The following FHOD3 variants were observed in gnomAD, a reference collection of about 807,000 sequenced individuals.
FHOD3 encodes the protein FH1/FH2 domain-containing protein 3.
FHOD3 carries 90 observed loss-of-function variants against 173.0 expected under a neutral mutation model. That is an observed-to-expected ratio of 0.52 (90% CI 0.44 to 0.62). The LOEUF is 0.62. Ranked by LOEUF, FHOD3 falls within the 20% of genes least tolerant of loss-of-function variation. The pLI is 0.00. For synonymous variants in FHOD3, 828 were observed against 823.0 expected, an observed-to-expected ratio of 1.01 and a Z score of -0.10; for missense variants, 1,945 against 2,034.7, an observed-to-expected ratio of 0.96 and a Z score of 0.85.
chr18:36,732,253 C>T (rs2041402172), intron 20 of FHOD3, among the ~76,000 whole-genome samples: 1 of 152,168 alleles, frequency 6.6e-6, no homozygotes, highest in Non-Finnish European at 1.5e-5. Flanking sequence ...CCTGCTGACA[C>T]CTTGATTTTG....
At chr18:36,651,180 G>GTCCATCT (rs1248017173) in intron 11 of FHOD3, among the ~76,000 whole-genome samples, 2 of 152,112 alleles carry the variant, frequency 1.3e-5, no homozygotes, top group Non-Finnish European at 2.9e-5. Flanking sequence ...GCTACAGCAT[G>GTCCATCT]TCCATCTTCC....
At chr18:36,536,800 AC>A (rs2057013546) in intron 5 of FHOD3, among the ~76,000 whole-genome samples, 1 of 152,234 alleles carries the variant, frequency 6.6e-6, no homozygotes, top group South Asian at 2.1e-4. Context: ...GTCGGGACAC[AC>A]TAATTCTGCT....
chr18:36,321,435 C>G (rs2044388044), intron 1 of FHOD3, among the ~76,000 whole-genome samples: 1 of 152,190 alleles, frequency 6.6e-6, no homozygotes, highest in Non-Finnish European at 1.5e-5. Flanking sequence ...CACAGCTCAG[C>G]TTGCATGACT....
At chr18:36,741,765 C>G (rs556864513) in intron 21 of FHOD3, among the ~76,000 whole-genome samples, 39 of 130,766 alleles carry the variant, frequency 3.0e-4, no homozygotes, top group African/African-American at 1.3e-3. Context: ...AGTGAGACCT[C>G]CATCTCTAAA....
chr18:36,699,269 A>G (rs1202388881), intron 17 of FHOD3, among the ~76,000 whole-genome samples: 1 of 152,226 alleles, frequency 6.6e-6, no homozygotes, highest in Admixed American at 6.5e-5. Flanking sequence ...CAAGTTTTGA[A>G]CAGCAATTAG....
intron 4 of FHOD3, among the ~76,000 whole-genome samples, chr18:36,502,927 G>A (rs2055115413): frequency 6.6e-6 from 1 of 152,178 alleles, no homozygotes; most frequent in South Asian, 2.1e-4. Flanking sequence ...GGCATAGCTG[G>A]TGTAGCTCTG....
At chr18:36,537,544 G>C (rs1317611511) in intron 5 of FHOD3, among the ~76,000 whole-genome samples, 1 of 152,092 alleles carries the variant, frequency 6.6e-6, no homozygotes, top group African/African-American at 2.4e-5. Flanking sequence ...AGAAAGCCAA[G>C]TAGGCACTGA....
intron 19 of FHOD3, among the ~76,000 whole-genome samples, chr18:36,719,644 A>G (rs2040649886): frequency 6.6e-6 from 1 of 152,272 alleles, no homozygotes; most frequent in Non-Finnish European, 1.5e-5. Flanking sequence ...ATCATGAATT[A>G]ATTTTAACTC....
At chr18:36,407,739 G>A (rs1181736773) in intron 3 of FHOD3, among the ~76,000 whole-genome samples, 1 of 152,226 alleles carries the variant, frequency 6.6e-6, no homozygotes, top group Non-Finnish European at 1.5e-5. Context: ...GATACAGAGT[G>A]TGCATTCCTG....
chr18:36,454,303 A>G (rs1211581095), intron 3 of FHOD3, among the ~76,000 whole-genome samples: 2 of 152,062 alleles, frequency 1.3e-5, no homozygotes, highest in African/African-American at 4.8e-5. Flanking sequence ...ACCCAGGGAC[A>G]CACATGGGAC....
intron 28 of FHOD3, among the ~76,000 whole-genome samples, chr18:36,775,785 C>T (rs1386428045): frequency 1.3e-5 from 2 of 152,210 alleles, no homozygotes; most frequent in African/African-American, 2.4e-5. Context: ...ATTCTTCCAC[C>T]ATCACTTTGA....
chr18:36,776,647 AATACTCGCTTTTCAGGG>A (rs2043676203), intron 28 of FHOD3, among the ~76,000 whole-genome samples: 1 of 152,214 alleles, frequency 6.6e-6, no homozygotes, highest in African/African-American at 2.4e-5. Flanking sequence ...CTTTTCCATG[AATACTCGCTTTTCAGGG>A]ATACATCTGG....
intron 3 of FHOD3, 142 bp downstream of exon 3, chr18:36,372,886 CA>C: frequency 1.4e-6 from 1 of 718,988 alleles, no homozygotes; most frequent in Non-Finnish European, 2.3e-6. Context: ...CAATTTCCAG[CA>C]ATGATTTTTG....
chr18:36,445,277 GA>G (rs2051400842), intron 3 of FHOD3, among the ~76,000 whole-genome samples: 1 of 152,142 alleles, frequency 6.6e-6, no homozygotes, highest in South Asian at 2.1e-4. Context: ...CTCTCTAGGG[GA>G]CATATGAGCT....
chr18:36,497,062 A>G (rs1223327973), intron 3 of FHOD3, among the ~76,000 whole-genome samples: 1 of 152,246 alleles, frequency 6.6e-6, no homozygotes, highest in East Asian at 1.9e-4. Context: ...CAAAGTCTGT[A>G]GTGAGAATTC....
chr18:36,470,024 A>T (rs1269931518), intron 3 of FHOD3, among the ~76,000 whole-genome samples: 3 of 152,180 alleles, frequency 2.0e-5, no homozygotes, highest in African/African-American at 7.2e-5. Flanking sequence ...GAAGTTTAGG[A>T]AATTGGTTCA....
intron 3 of FHOD3, among the ~76,000 whole-genome samples, chr18:36,418,198 A>G (rs569866820): frequency 6.6e-6 from 1 of 152,338 alleles, no homozygotes; most frequent in South Asian, 2.1e-4. Flanking sequence ...AGACAAACAT[A>G]TCCATTTCTG....
intron 7 of FHOD3, among the ~76,000 whole-genome samples, chr18:36,595,675 C>G (rs930292221): frequency 1.2e-4 from 18 of 152,226 alleles, no homozygotes; most frequent in African/African-American, 4.3e-4. Flanking sequence ...AGCCAGCAGG[C>G]ATGCTGCAAA....
chr18:36,471,198 G>A (rs2053265071), intron 3 of FHOD3, among the ~76,000 whole-genome samples: 1 of 152,196 alleles, frequency 6.6e-6, no homozygotes, highest in African/African-American at 2.4e-5. Context: ...AAGCAGAGGA[G>A]CATGAGCCCG....
Sources: gnomAD v4.1 joint callset for allele counts (sites outside exome capture counted in the v4.1 genomes callset) on GRCh38, gnomAD v4.1.1 for gene constraint, MANE v1.5 for transcripts, NCBI Gene and HGNC (gene_info 2026-07-23, HGNC 2026-07-21) for gene names.